The following CDH23 variants were observed in gnomAD, a reference collection of about 807,000 sequenced individuals.
CDH23 encodes cadherin related 23.
In CDH23, 189 loss-of-function variants were observed where a neutral mutation model predicts 317.1. The observed-to-expected ratio is 0.60, with a 90% CI of 0.53 to 0.67. The LOEUF is 0.67. Among genes scored for constraint, CDH23 ranks in the 30% least tolerant of loss-of-function variants. The pLI is 0.00. For missense variants in CDH23, 4,401 were observed against 4,592.4 expected (o/e 0.96, Z 1.20); for synonymous variants, 1,839 against 1,876.8 (o/e 0.98, Z 0.52).
intron 38 of CDH23, among the ~76,000 whole-genome samples, chr10:71,777,380 T>C (rs1840838085): frequency 6.6e-6 from 1 of 152,152 alleles, no homozygotes; most frequent in South Asian, 2.1e-4. Flanking sequence ...CTAACAAGGA[T>C]CCCAAGTTTG....
intron 11 of CDH23, among the ~76,000 whole-genome samples, chr10:71,640,287 C>CG (rs897146372): frequency 7.9e-5 from 12 of 152,302 alleles, no homozygotes; most frequent in Admixed American, 2.6e-4. Context: ...CCGCCCCAGC[C>CG]GACACATGGT....
intron 32 of CDH23, chr10:71,732,805 G>T: frequency 1.3e-6 from 1 of 747,554 alleles, no homozygotes. Context: ...GTGTGTGTGG[G>T]GTTTTCCCCC....
chr10:71,651,591 T>C (rs991285179), intron 14 of CDH23, among the ~76,000 whole-genome samples: 2 of 149,814 alleles, frequency 1.3e-5, no homozygotes, highest in African/African-American at 4.9e-5. Flanking sequence ...GAACAGCATG[T>C]GCAAAGGCCC....
intron 6 of CDH23, among the ~76,000 whole-genome samples, chr10:71,537,250 T>C (rs1053884315): frequency 6.6e-6 from 1 of 152,126 alleles, no homozygotes; most frequent in Non-Finnish European, 1.5e-5. Context: ...ATGGGATTTC[T>C]CCTAGAATCA....
chr10:71,505,423 T>C (rs1853578602), intron 3 of CDH23, among the ~76,000 whole-genome samples: 1 of 152,242 alleles, frequency 6.6e-6, no homozygotes, highest in Non-Finnish European at 1.5e-5. Context: ...TAACATTTTT[T>C]AGCTCTAACC....
chr10:71,790,670 C>G, intron 46 of CDH23: 1 of 532,336 alleles, frequency 1.9e-6, no homozygotes, highest in South Asian at 2.2e-5. Context: ...CGGGAGCCCC[C>G]CAGCCCACTC....
intron 3 of CDH23, among the ~76,000 whole-genome samples, chr10:71,457,651 G>A (rs1007015727): frequency 9.2e-5 from 14 of 152,228 alleles, no homozygotes; most frequent in Non-Finnish European, 1.8e-4. Context: ...CCCCGGACTG[G>A]GGCCGGTGCC....
At chr10:71,589,398 G>A (rs911501425) in intron 9 of CDH23, among the ~76,000 whole-genome samples, 19 of 152,326 alleles carry the variant, frequency 1.2e-4, no homozygotes, top group African/African-American at 4.1e-4. Flanking sequence ...GATTACAGGC[G>A]TGAGCCACCG....
intron 11 of CDH23, among the ~76,000 whole-genome samples, chr10:71,619,136 A>G (rs1861340806): frequency 6.6e-6 from 1 of 152,126 alleles, no homozygotes; most frequent in Admixed American, 6.5e-5. Context: ...GGAGTTCGAG[A>G]CCAGCCTGGG....
At chr10:71,711,919 G>A (rs1490459752) in intron 27 of CDH23, 1 of 152,148 alleles carries the variant, frequency 6.6e-6, no homozygotes, top group African/African-American at 2.4e-5. Flanking sequence ...CTTAGTACCT[G>A]TATCTGCATC....
intron 19 of CDH23, among the ~76,000 whole-genome samples, chr10:71,689,090 AG>A (rs1349233492): frequency 2.9e-5 from 4 of 140,344 alleles, no homozygotes; most frequent in East Asian, 2.0e-4. Flanking sequence ...GGGGTGGTGG[AG>A]CCAGGGGTGG....
At chr10:71,702,493 T>C in intron 23 of CDH23, 56 bp from the exon 24 acceptor site, 1 of 1,603,464 alleles carries the variant, frequency 6.2e-7, no homozygotes, top group Non-Finnish European at 8.5e-7. Context: ...CCTGTCCGTT[T>C]TCTCTTGCAC....
intron 13 of CDH23, 67 bp downstream of exon 13, chr10:71,646,047 G>C: frequency 6.4e-7 from 1 of 1,559,930 alleles, no homozygotes; most frequent in Non-Finnish European, 8.7e-7. Context: ...GCGAGGGTAG[G>C]GTAGAAGATT....
chr10:71,468,639 G>T (rs943215968), intron 3 of CDH23, among the ~76,000 whole-genome samples: 17 of 152,082 alleles, frequency 1.1e-4, no homozygotes, highest in African/African-American at 3.9e-4. Context: ...CTTCCACAAA[G>T]TCCTCCCTGA....
rs1859138588 is a variant in CDH23 at position 71,587,237 on chromosome 10, G to C, written c.832+9245G>C. ...AACTCACATTTTTTTTCCTGCTATT[G>C]TTTGCTATTCTGCCTGAGAAGCCAA... is the stretch of plus-strand genomic sequence containing the variant. On this transcript the variant is annotated intron_variant, in intron 9 of 69. Transcript: ENST00000224721. 2.6e-5 allele frequency among the ~76,000 whole-genome samples: 4 copies of C among 152,302 alleles called. No homozygotes were observed. In the South Asian group the frequency reaches 8.3e-4, roughly 32 times the overall value.
chr10:71,796,200 G>C, intron 48 of CDH23: 1 of 650,296 alleles, frequency 1.5e-6, no homozygotes, highest in Non-Finnish European at 1.9e-6. Context: ...GTCTCACTCT[G>C]GGATGAAGCC....
At chr10:71,674,980 C>A (rs1864298554) in intron 14 of CDH23, 132 bp from the exon 15 acceptor site, 2 of 768,444 alleles carry the variant, frequency 2.6e-6, no homozygotes, top group South Asian at 1.5e-5. Flanking sequence ...TTTCACCAGG[C>A]CTCACTGGGG....
chr10:71,720,468 C>T (rs1351320291), intron 28 of CDH23, among the ~76,000 whole-genome samples: 1 of 150,946 alleles, frequency 6.6e-6, no homozygotes, highest in Admixed American at 6.6e-5. Flanking sequence ...CCCCAGCCTT[C>T]TTTCTCCCCA....
At chr10:71,517,229 C>T (rs761105318) in intron 6 of CDH23, among the ~76,000 whole-genome samples, 4 of 152,232 alleles carry the variant, frequency 2.6e-5, no homozygotes, top group Non-Finnish European at 5.9e-5. Context: ...GGGTGAGGAG[C>T]GGTGAGGCCT....
Sources: allele counts gnomAD v4.1 joint callset (sites outside exome capture counted in the v4.1 genomes callset), GRCh38; gene constraint gnomAD v4.1.1; transcripts MANE v1.5; gene names NCBI Gene and HGNC (gene_info 2026-07-23, HGNC 2026-07-21).